Variants in AGBL4 observed in about 807,000 individuals in gnomAD.
AGBL4 encodes the protein AGBL carboxypeptidase 4.
Under a neutral mutation model 66.4 loss-of-function variants are expected in AGBL4, and 58 were observed. The ratio of observed to expected loss-of-function variants is 0.87; its 90% CI spans 0.71 to 1.09. The LOEUF (loss-of-function observed/expected upper bound fraction) is 1.09, where lower values mean the gene tolerates loss of function less well. Ranked by LOEUF, AGBL4 falls within the 50% of genes least tolerant of loss-of-function variation. AGBL4 has a pLI of 0.00. For synonymous variants in AGBL4, 234 were observed against 222.9 expected (o/e 1.05, Z -0.44); for missense variants, 579 against 631.0 (o/e 0.92, Z 0.88).
At chr1:48,656,650 A>G (rs1390432941) in intron 7 of AGBL4, among the ~76,000 whole-genome samples, 1 of 152,252 alleles carries the variant, frequency 6.6e-6, no homozygotes, top group African/African-American at 2.4e-5. Flanking sequence ...AGCCATAAAA[A>G]GAATAAAATC....
intron 3 of AGBL4, among the ~76,000 whole-genome samples, chr1:49,267,435 C>A (rs1461096691): frequency 1.3e-5 from 2 of 152,194 alleles, no homozygotes; most frequent in Non-Finnish European, 2.9e-5. Flanking sequence ...AATCCCAGCA[C>A]TTTGGGAGGC....
chr1:49,934,657 G>A (rs1486033381), intron 1 of AGBL4, among the ~76,000 whole-genome samples: 1 of 152,064 alleles, frequency 6.6e-6, no homozygotes, highest in Non-Finnish European at 1.5e-5. Context: ...CAACAAAAGT[G>A]GTTCTCAGAC....
chr1:49,717,869 GCT>G (rs1325891495), intron 2 of AGBL4, among the ~76,000 whole-genome samples: 1 of 152,024 alleles, frequency 6.6e-6, no homozygotes, highest in East Asian at 1.9e-4. Context: ...ATATATTAAA[GCT>G]CTATTTCAGG....
intron 2 of AGBL4, among the ~76,000 whole-genome samples, chr1:49,779,136 C>A (rs1174742797): frequency 1.3e-5 from 2 of 152,050 alleles, no homozygotes; most frequent in Non-Finnish European, 2.9e-5. Flanking sequence ...GTGCTCAAAA[C>A]AATTAATGCT....
chr1:49,914,061 T>C (rs539745806), intron 1 of AGBL4, among the ~76,000 whole-genome samples: 3 of 152,218 alleles, frequency 2.0e-5, no homozygotes, highest in East Asian at 1.9e-4. Context: ...CTTCTAGCCA[T>C]GGTAATCTCT....
At chr1:48,876,095 T>C (rs1421328334) in intron 5 of AGBL4, among the ~76,000 whole-genome samples, 1 of 152,206 alleles carries the variant, frequency 6.6e-6, no homozygotes, top group Non-Finnish European at 1.5e-5. Context: ...TTTTCCTCCA[T>C]AGGGTTCACA....
At chr1:49,126,618 T>A (rs1302445206) in intron 4 of AGBL4, among the ~76,000 whole-genome samples, 2 of 152,172 alleles carry the variant, frequency 1.3e-5, no homozygotes, top group Non-Finnish European at 2.9e-5. Flanking sequence ...TTTACACAGA[T>A]AGTAAGTGAT....
At chr1:49,161,106 A>C (rs1434159290) in intron 4 of AGBL4, among the ~76,000 whole-genome samples, 2 of 152,152 alleles carry the variant, frequency 1.3e-5, no homozygotes, top group Non-Finnish European at 2.9e-5. Context: ...TATGAAAAAA[A>C]AAACTCCTGT....
intron 3 of AGBL4, among the ~76,000 whole-genome samples, chr1:49,263,752 A>G (rs189876236): frequency 1.7e-4 from 26 of 152,330 alleles, no homozygotes; most frequent in African/African-American, 5.3e-4. Context: ...AAAGATGTTT[A>G]TAACCTATAA....
intron 3 of AGBL4, among the ~76,000 whole-genome samples, chr1:49,651,588 T>A (rs1159638030): frequency 6.6e-6 from 1 of 151,882 alleles, no homozygotes; most frequent in Non-Finnish European, 1.5e-5. Flanking sequence ...ACACAAAAGC[T>A]ACCCATAACA....
chr1:49,754,191 T>C (rs1009984335), intron 2 of AGBL4, among the ~76,000 whole-genome samples: 1 of 152,182 alleles, frequency 6.6e-6, no homozygotes, highest in Non-Finnish European at 1.5e-5. Flanking sequence ...CACGGGTTTT[T>C]CCTCATCTTC....
At chr1:49,154,614 C>T (rs1557684836) in intron 4 of AGBL4, among the ~76,000 whole-genome samples, 1 of 152,096 alleles carries the variant, frequency 6.6e-6, no homozygotes, top group East Asian at 1.9e-4. Context: ...AGGCTTTATT[C>T]TCAGAGGTAT....
At chr1:49,748,374 A>G (rs867509521) in intron 2 of AGBL4, among the ~76,000 whole-genome samples, 1 of 152,066 alleles carries the variant, frequency 6.6e-6, no homozygotes, top group African/African-American at 2.4e-5. Flanking sequence ...GTATTCCATG[A>G]TGTATATGTG....
chr1:48,525,575 T>C, the AGBL4 span, among the ~76,000 whole-genome samples: 2 of 152,232 alleles, frequency 1.3e-5, no homozygotes, highest in African/African-American at 4.8e-5. Flanking sequence ...GATTCTCTTT[T>C]TCTTTTATTT....
intron 3 of AGBL4, among the ~76,000 whole-genome samples, chr1:49,420,518 G>T (rs932062464): frequency 6.6e-6 from 1 of 152,040 alleles, no homozygotes; most frequent in Non-Finnish European, 1.5e-5. Context: ...GGCAAACACG[G>T]TGAAACCCCG....
intron 2 of AGBL4, among the ~76,000 whole-genome samples, chr1:49,759,493 G>T (rs1010595563): frequency 1.3e-5 from 2 of 152,128 alleles, no homozygotes; most frequent in African/African-American, 2.4e-5. Context: ...GACAGAAAAT[G>T]TCCATTACAA....
chr1:49,533,190 G>A (rs974510274), intron 3 of AGBL4, among the ~76,000 whole-genome samples: 3 of 151,552 alleles, frequency 2.0e-5, no homozygotes, highest in South Asian at 4.2e-4. Flanking sequence ...CCTACACCCC[G>A]CCCCCACACA....
chr1:49,179,629 G>A (rs1359434935), intron 4 of AGBL4, among the ~76,000 whole-genome samples: 1 of 151,878 alleles, frequency 6.6e-6, no homozygotes, highest in African/African-American at 2.4e-5. Context: ...CTACTTGGCT[G>A]CAATTTATAG....
At chr1:49,948,250 A>G (rs1201248128) in intron 1 of AGBL4, among the ~76,000 whole-genome samples, 1 of 103,354 alleles carries the variant, frequency 9.7e-6, no homozygotes, top group Non-Finnish European at 1.7e-5. Flanking sequence ...AAATAAATAC[A>G]TATAAATATA....
Sources: gnomAD v4.1 joint callset for allele counts (sites outside exome capture counted in the v4.1 genomes callset) on GRCh38, gnomAD v4.1.1 for gene constraint, MANE v1.5 for transcripts, NCBI Gene and HGNC (gene_info 2026-07-23, HGNC 2026-07-21) for gene names.